The following VRK2 variants were observed in gnomAD, a reference collection of about 807,000 sequenced individuals.
VRK2 encodes VRK serine/threonine kinase 2.
Under a neutral mutation model 57.6 loss-of-function variants are expected in VRK2, and 60 were observed. The ratio of observed to expected loss-of-function variants is 1.04; its 90% CI spans 0.85 to 1.29. The LOEUF is 1.29. Ranked by LOEUF, VRK2 falls within the 50% of genes most tolerant of loss-of-function variation. VRK2 has a pLI of 0.00. For synonymous variants in VRK2, 231 were observed against 199.2 expected, an observed-to-expected ratio of 1.16 and a Z score of -1.35; for missense variants, 705 against 588.1, an observed-to-expected ratio of 1.20 and a Z score of -2.06.
chr2:58,131,711 T>A lies in VRK2; in HGVS notation c.677-97T>A, dbSNP rs565425713. On this transcript the variant is annotated intron_variant, in intron 8 of 12. Coordinates refer to ENST00000340157, the MANE Select transcript of VRK2 (RefSeq NM_006296.7). ...AATAAAACATTTTGCCTATTTGGCT[T>A]TTTCATATTTCATCAGTAGTAGTTC... 1.7e-4 allele frequency: 234 copies of A among 1,398,922 alleles called. No individual in the cohort carries two copies. In the African/African-American group the frequency reaches 3.3e-3, roughly 20 times the overall value. The allele number at this position is 1,398,922 out of a possible 1,614,324, so 86.7% of individuals were successfully genotyped here.
intron 8 of VRK2, among the ~76,000 whole-genome samples, chr2:58,124,312 G>A (rs1439347614): frequency 6.6e-6 from 1 of 152,136 alleles, no homozygotes; most frequent in Non-Finnish European, 1.5e-5. Flanking sequence ...TGGTTGCTTT[G>A]TTCACAATCA....
At chr2:58,127,809 T>C (rs1334748135) in intron 8 of VRK2, among the ~76,000 whole-genome samples, 4 of 152,180 alleles carry the variant, frequency 2.6e-5, no homozygotes, top group African/African-American at 9.7e-5. Flanking sequence ...CGAACCCTGT[T>C]TTTCTTCATA....
intron 2 of VRK2, among the ~76,000 whole-genome samples, chr2:58,056,377 G>A (rs1433636684): frequency 2.0e-5 from 3 of 152,134 alleles, no homozygotes; most frequent in Non-Finnish European, 2.9e-5. Flanking sequence ...AAACTGGCAC[G>A]TCCCTCTGTC....
chr2:57,951,402 T>C (rs897943518), intron 1 of VRK2, among the ~76,000 whole-genome samples: 6 of 152,206 alleles, frequency 3.9e-5, no homozygotes, highest in African/African-American at 1.2e-4. Flanking sequence ...CTAGTGAAGA[T>C]ACTGTGAATA....
rs763614177 is a variant in VRK2 at position 58,149,676 on chromosome 2, AATGCCCTTT to A, written c.1182+3205_1182+3213del. Among the ~76,000 whole-genome samples the A allele has an allele frequency of 7.9e-5, 12 of 151,716 alleles. No individual in the cohort carries two copies. In the East Asian group the frequency reaches 1.4e-3, roughly 17 times the overall value. ...TTAAGTTAGCTGTTGATTTTTTCTA[AATGCCCTTT>A]ATCAGGCTGAGGAAATTTCACCATA... is the stretch of plus-strand genomic sequence containing the variant. On this transcript the variant is annotated intron_variant, in intron 12 of 12. Transcript: ENST00000340157.
intron 1 of VRK2, among the ~76,000 whole-genome samples, chr2:57,929,473 T>C (rs974354654): frequency 2.6e-5 from 4 of 152,114 alleles, no homozygotes; most frequent in Admixed American, 6.6e-5. Flanking sequence ...CCCTCTGGCC[T>C]AGGACTGTTC....
intron 1 of VRK2, among the ~76,000 whole-genome samples, chr2:58,021,910 C>T (rs780386996): frequency 2.6e-5 from 4 of 152,172 alleles, no homozygotes; most frequent in Non-Finnish European, 5.9e-5. Flanking sequence ...TTGTCTCAAC[C>T]ATCAAAAGTG....
intron 2 of VRK2, among the ~76,000 whole-genome samples, chr2:58,079,446 T>G (rs958315957): frequency 6.6e-6 from 1 of 152,134 alleles, no homozygotes; most frequent in Admixed American, 6.6e-5. Flanking sequence ...CAATTATTAC[T>G]GTGACATTTG....
At chr2:57,969,037 CT>C (rs1672010618) in intron 1 of VRK2, among the ~76,000 whole-genome samples, 1 of 151,982 alleles carries the variant, frequency 6.6e-6, no homozygotes. Flanking sequence ...TAAAGATTTT[CT>C]TTTTTCAAAA....
chr2:58,020,854 A>T, intron 1 of VRK2, among the ~76,000 whole-genome samples: 1 of 152,194 alleles, frequency 6.6e-6, no homozygotes, highest in East Asian at 1.9e-4. Flanking sequence ...ACCTTGATAA[A>T]TCCACTGCAT....
chr2:58,142,896 A>G (rs1681551663), intron 11 of VRK2, among the ~76,000 whole-genome samples: 1 of 151,876 alleles, frequency 6.6e-6, no homozygotes, highest in Non-Finnish European at 1.5e-5. Flanking sequence ...ATGTTAGTAT[A>G]TTGTAATAGT....
At chr2:58,013,437 T>C (rs1673472599) in intron 1 of VRK2, among the ~76,000 whole-genome samples, 1 of 152,264 alleles carries the variant, frequency 6.6e-6, no homozygotes, top group South Asian at 2.1e-4. Context: ...CAAAATGCTC[T>C]ATCAGTGGTA....
intron 1 of VRK2, among the ~76,000 whole-genome samples, chr2:57,966,549 T>C (rs1207298987): frequency 6.6e-6 from 1 of 152,208 alleles, no homozygotes; most frequent in Non-Finnish European, 1.5e-5. Flanking sequence ...CTATGGTTCT[T>C]CCATGGCGAC....
At chr2:57,986,889 G>A (rs747468536) in intron 1 of VRK2, among the ~76,000 whole-genome samples, 9 of 152,010 alleles carry the variant, frequency 5.9e-5, no homozygotes, top group South Asian at 2.1e-4. Flanking sequence ...ATAAACCATC[G>A]TGCCCAGCCT....
intron 2 of VRK2, among the ~76,000 whole-genome samples, chr2:58,077,213 C>G (rs1289618993): frequency 6.6e-6 from 1 of 151,792 alleles, no homozygotes; most frequent in Non-Finnish European, 1.5e-5. Context: ...TCTTTATAGG[C>G]TTTAAATACC....
chr2:58,137,211 G>C (rs1185900514), intron 10 of VRK2, among the ~76,000 whole-genome samples: 2 of 65,120 alleles, frequency 3.1e-5, no homozygotes, highest in Admixed American at 1.4e-4. Flanking sequence ...TCTCATATAT[G>C]ATACATATAT....
intron 1 of VRK2, among the ~76,000 whole-genome samples, chr2:57,918,122 GA>G (rs1670216408): frequency 6.6e-6 from 1 of 152,038 alleles, no homozygotes; most frequent in Non-Finnish European, 1.5e-5. Context: ...TTGTTGAAAA[GA>G]AAAGCCACCA....
chr2:58,127,206 T>C (rs1357977268), intron 8 of VRK2, among the ~76,000 whole-genome samples: 1 of 152,156 alleles, frequency 6.6e-6, no homozygotes, highest in Non-Finnish European at 1.5e-5. Context: ...ATTTCTTTCA[T>C]GGTTTCATTT....
chr2:58,132,986 T>C lies in VRK2; in HGVS notation c.797+1058T>C, dbSNP rs1037216738. Among the ~76,000 whole-genome samples, 4 of 152,150 alleles carry C rather than the reference T, an allele frequency of 2.6e-5. No homozygotes were observed. In the South Asian group the frequency reaches 8.3e-4, roughly 31 times the overall value. On this transcript the variant is annotated intron_variant, in intron 9 of 12. Transcript: ENST00000340157. The stretch of plus-strand genomic sequence containing the variant: ...AACTTTCATGTAACATTTCGAAATA[T>C]GGGTCAAGTCAAAACACAGTGATGT...
Sources: gnomAD v4.1 joint callset for allele counts (sites outside exome capture counted in the v4.1 genomes callset) on GRCh38, gnomAD v4.1.1 for gene constraint, MANE v1.5 for transcripts, NCBI Gene and HGNC (gene_info 2026-07-23, HGNC 2026-07-21) for gene names.